Variants in SLC25A26 observed in about 807,000 individuals in gnomAD.
SLC25A26 encodes the protein mitochondrial S-adenosylmethionine carrier protein.
A neutral mutation model predicts 37.8 loss-of-function variants in SLC25A26; 36 were observed. That is an observed-to-expected ratio of 0.95 (90% CI 0.73 to 1.26). The LOEUF is 1.26. Among genes scored for constraint, SLC25A26 ranks in the 50% most tolerant of loss-of-function variants. SLC25A26 has a pLI of 0.00. For missense variants in SLC25A26, 390 were observed against 331.1 expected (o/e 1.18, Z -1.38); for synonymous variants, 129 against 122.5 (o/e 1.05, Z -0.35).
intron 1 of SLC25A26, among the ~76,000 whole-genome samples, chr3:66,180,577 C>T (rs2070683801): frequency 6.6e-6 from 1 of 152,180 alleles, no homozygotes; most frequent in Non-Finnish European, 1.5e-5. Flanking sequence ...ACAAAACTTG[C>T]TTCGTTCCTT....
rs566560573 is a variant in SLC25A26 at position 66,294,624 on chromosome 3, CTG to C, written c.453+31250_453+31251del. ...CAAGGTGGAATTTGTTTGGAAGGCTCTGTGTGATGTTCTCATATAAATTATAG... is the reference window on the plus strand; with the variant it reads ...CAAGGTGGAATTTGTTTGGAAGGCTCTGTGATGTTCTCATATAAATTATAG... On this transcript the variant is annotated intron_variant, in intron 5 of 9. Transcript: ENST00000354883. 3.0e-4 allele frequency among the ~76,000 whole-genome samples: 46 copies of C among 152,206 alleles called. No homozygotes were observed. In the South Asian group the frequency reaches 9.1e-3, roughly 30 times the overall value.
At chr3:66,223,723 A>G (rs1016813971) in intron 1 of SLC25A26, among the ~76,000 whole-genome samples, 1 of 152,236 alleles carries the variant, frequency 6.6e-6, no homozygotes, top group Admixed American at 6.5e-5. Flanking sequence ...CCTGGCAAGT[A>G]GCAGACATTG....
At chr3:66,201,859 C>T (rs985426728) in intron 1 of SLC25A26, among the ~76,000 whole-genome samples, 231 of 152,152 alleles carry the variant, frequency 1.5e-3, no homozygotes, top group African/African-American at 5.0e-3. Flanking sequence ...GAGAGTTTCA[C>T]GATTAAACTA....
chr3:66,179,732 G>A (rs1473882431), intron 1 of SLC25A26, among the ~76,000 whole-genome samples: 2 of 147,742 alleles, frequency 1.4e-5, no homozygotes, highest in African/African-American at 2.5e-5. Flanking sequence ...TTTTTTTCTT[G>A]TTATGATTAC....
exon 1 of SLC25A26, chr3:66,133,707 G>A (rs28602282): frequency 0.45 from 67,814 of 152,014 alleles, 15,910 homozygotes; most frequent in African/African-American, 0.59. Context: ...TAAATACAAG[G>A]ATGAAGGGCT....
Position 66,331,350 on chromosome 3 carries a change from A to C in SLC25A26, c.454-15014A>C, listed in dbSNP as rs1248677633. On this transcript the variant is annotated intron_variant, in intron 5 of 9. Transcript: ENST00000354883. ...CATTTAACTGCTGTATTTTAGTTTG[A>C]GTATTGGTTTGTGATATACTGTTTT... 2.0e-5 allele frequency among the ~76,000 whole-genome samples: 3 copies of C among 152,082 alleles called. No homozygotes were observed. The East Asian group carries it at 5.8e-4, about 29-fold the overall frequency.
intron 5 of SLC25A26, among the ~76,000 whole-genome samples, chr3:66,322,699 T>C (rs1383605183): frequency 6.6e-6 from 1 of 152,248 alleles, no homozygotes; most frequent in African/African-American, 2.4e-5. Context: ...TTTGAAGTTT[T>C]GTACATATGC....
chr3:66,300,300 C>T (rs2075040717), intron 5 of SLC25A26, among the ~76,000 whole-genome samples: 1 of 136,486 alleles, frequency 7.3e-6, no homozygotes, highest in Non-Finnish European at 1.6e-5. Context: ...TTAGCCATTA[C>T]CAATATTACT....
At position 66,236,765 on chromosome 3, in the gene SLC25A26, G is replaced by T. The variant is rs529397663; in HGVS notation, c.190+65G>T. The T allele has an allele frequency of 1.6e-5, 20 of 1,245,100 alleles. No homozygotes were observed. In the East Asian group the frequency reaches 5.3e-4, roughly 33 times the overall value. 77.1% of individuals were successfully genotyped at this position (1,245,100 alleles called of 1,614,324 possible). A position where few individuals can be genotyped will look rare whatever the true frequency, so the allele number is the denominator to read the frequency against. ...GATGGGATTTTCAGAATGGTGTGTG[G>T]TCTTACCCCCATAGAATTCCTTGTG... On this transcript the variant is annotated intron_variant, in intron 2 of 9. Transcript: ENST00000354883.
intron 9 of SLC25A26, among the ~76,000 whole-genome samples, chr3:66,377,131 T>C (rs1323254335): frequency 6.6e-6 from 1 of 152,228 alleles, no homozygotes; most frequent in Non-Finnish European, 1.5e-5. Context: ...TGCATTGCTC[T>C]GATTATTCTA....
At chr3:66,186,489 C>G (rs1487265994) in intron 1 of SLC25A26, among the ~76,000 whole-genome samples, 3 of 152,196 alleles carry the variant, frequency 2.0e-5, no homozygotes, top group Non-Finnish European at 4.4e-5. Flanking sequence ...CTGACCCTGA[C>G]CAGCACTCTG....
chr3:66,214,254 C>T (rs1373440865), intron 1 of SLC25A26, among the ~76,000 whole-genome samples: 1 of 152,100 alleles, frequency 6.6e-6, no homozygotes, highest in African/African-American at 2.4e-5. Context: ...ATGTGACATG[C>T]CTACCCCCAC....
chr3:66,322,411 G>A (rs1256118852), intron 5 of SLC25A26, among the ~76,000 whole-genome samples: 3 of 152,148 alleles, frequency 2.0e-5, no homozygotes, highest in African/African-American at 4.8e-5. Context: ...TTCGATCAGT[G>A]GTTGCTACAG....
At chr3:66,196,124 A>AGAGAT (rs1405812748) in intron 1 of SLC25A26, among the ~76,000 whole-genome samples, 6 of 84,122 alleles carry the variant, frequency 7.1e-5, no homozygotes, top group African/African-American at 2.0e-4. Flanking sequence ...ATTAATTACT[A>AGAGAT]TCTTTAAGTA....
At chr3:66,310,132 C>CT (rs368019316) in intron 5 of SLC25A26, among the ~76,000 whole-genome samples, 42 of 152,302 alleles carry the variant, frequency 2.8e-4, no homozygotes, top group African/African-American at 8.9e-4. Context: ...GTGTGGAAGT[C>CT]TAAGTTTCTT....
intron 5 of SLC25A26, among the ~76,000 whole-genome samples, chr3:66,263,760 G>A (rs1162643141): frequency 6.6e-6 from 1 of 152,072 alleles, no homozygotes. Flanking sequence ...CCAGGTTCAC[G>A]CCATTCTCCT....
chr3:66,270,130 A>G (rs890402953), intron 5 of SLC25A26, among the ~76,000 whole-genome samples: 7 of 152,184 alleles, frequency 4.6e-5, no homozygotes, highest in African/African-American at 1.7e-4. Flanking sequence ...CTACATTACT[A>G]TGATCTTTGC....
At chr3:66,330,579 G>C (rs2075950113) in intron 5 of SLC25A26, among the ~76,000 whole-genome samples, 1 of 141,756 alleles carries the variant, frequency 7.1e-6, no homozygotes, top group Non-Finnish European at 1.5e-5. Flanking sequence ...TGTGCCTTGA[G>C]ATATTAGCTA....
At chr3:66,307,511 G>T (rs930771675) in intron 5 of SLC25A26, among the ~76,000 whole-genome samples, 2 of 152,170 alleles carry the variant, frequency 1.3e-5, no homozygotes, top group Non-Finnish European at 2.9e-5. Flanking sequence ...AGTTTAATTA[G>T]ATCCCATTTG....
Sources: allele counts gnomAD v4.1 joint callset (sites outside exome capture counted in the v4.1 genomes callset), GRCh38; gene constraint gnomAD v4.1.1; transcripts MANE v1.5; gene names NCBI Gene and HGNC (gene_info 2026-07-23, HGNC 2026-07-21).